Variants in GPC1 observed in about 807,000 individuals in gnomAD.
The protein encoded by GPC1 is glypican-1.
GPC1 carries 26 observed loss-of-function variants against 51.5 expected under a neutral mutation model. That is an observed-to-expected ratio of 0.50 (90% CI 0.37 to 0.70). The LOEUF is 0.70. Among genes scored for constraint, GPC1 ranks in the 30% least tolerant of loss-of-function variants. The probability of loss-of-function intolerance (pLI) is 0.00; values close to 1 mark genes in which losing one functional copy is unlikely to be tolerated. For synonymous variants in GPC1, 380 were observed against 348.3 expected (o/e 1.09, Z -1.01); for missense variants, 775 against 800.5 (o/e 0.97, Z 0.38).
intron 1 of GPC1, chr2:240,456,819 A>G (rs2074169028): frequency 3.0e-6 from 1 of 337,626 alleles, no homozygotes. Context: ...CTGCAGAGTG[A>G]AGGATGGTCC....
At chr2:240,461,282 C>G (rs1356341490) in intron 2 of GPC1, among the ~76,000 whole-genome samples, 2 of 152,198 alleles carry the variant, frequency 1.3e-5, no homozygotes. Flanking sequence ...ATCCAGAGAT[C>G]TCAGGCTTGA....
chr2:240,435,935 G>A lies in GPC1; in HGVS notation c.17G>A (p.Arg6Gln), dbSNP rs904975729. 3 of 1,268,860 alleles carry A rather than the reference G, an allele frequency of 2.4e-6. No individual in the cohort carries two copies. Among genetic ancestry groups the A allele is most frequent in the Non-Finnish European group, 3.0e-6 (3 of 1,007,604 alleles). 78.6% of individuals were successfully genotyped at this position (1,268,860 alleles called of 1,614,324 possible). Reference protein sequence around the residue: MELRARGWWLLCAAAA... With the variant: MELRAQGWWLLCAAAA... ...GGCCCCGCCATGGAGCTCCGGGCCCGAGGCTGGTGGCTGCTATGTGCGGCC... is the reference window on the plus strand; with the variant it reads ...GGCCCCGCCATGGAGCTCCGGGCCCAAGGCTGGTGGCTGCTATGTGCGGCC... Residue 6 changes from arginine (R) to glutamine (Q), a missense_variant, in exon 1 of 9, where the codon CGA (arginine) becomes CAA (glutamine). Physicochemically the swap from Arg to Gln is conservative, Grantham distance 43 (BLOSUM62 1). Coordinates refer to ENST00000264039, the MANE Select transcript of GPC1 (RefSeq NM_002081.3).
At chr2:240,446,635 C>T (rs2074052611) in intron 1 of GPC1, among the ~76,000 whole-genome samples, 1 of 152,218 alleles carries the variant, frequency 6.6e-6, no homozygotes, top group African/African-American at 2.4e-5. Context: ...CCATGGCCAT[C>T]TCTTGTCCTG....
At chr2:240,449,609 A>G (rs1210929455) in intron 1 of GPC1, 1 of 275,698 alleles carries the variant, frequency 3.6e-6, no homozygotes, top group Non-Finnish European at 7.2e-6. Flanking sequence ...AGTGGCGTTC[A>G]GTCCATTCAT....
intron 1 of GPC1, among the ~76,000 whole-genome samples, chr2:240,446,179 T>C (rs2074049210): frequency 6.6e-6 from 1 of 152,140 alleles, no homozygotes; most frequent in African/African-American, 2.4e-5. Context: ...TGGCCTAGGG[T>C]CCGAAACGGG....
At chr2:240,460,945 G>A (rs1342381131) in intron 2 of GPC1, among the ~76,000 whole-genome samples, 1 of 152,176 alleles carries the variant, frequency 6.6e-6, no homozygotes, top group Non-Finnish European at 1.5e-5. Context: ...AGCCTGGCTG[G>A]ACCTCTGGTT....
Position 240,466,573 on chromosome 2 carries a change from C to G in GPC1, c.*283C>G, listed in dbSNP as rs2074263473. The G allele has an allele frequency of 2.2e-6, 1 of 460,056 alleles. No individual in the cohort carries two copies. Among genetic ancestry groups the G allele is most frequent in the Non-Finnish European group, 3.9e-6 (1 of 258,416 alleles). 28.5% of individuals were successfully genotyped at this position (460,056 alleles called of 1,614,324 possible). On this transcript the variant is annotated 3_prime_UTR_variant, in exon 9 of 9. Transcript: ENST00000264039. Reference sequence around the variant, plus strand: ...GCACCTCCGGCTGCCTAGCCCTCCCCCCAGCTCCCTGCACCGCCGCAGAAG... The same window carrying G: ...GCACCTCCGGCTGCCTAGCCCTCCCGCCAGCTCCCTGCACCGCCGCAGAAG...
At chr2:240,436,873 T>TG (rs1025065519) in intron 1 of GPC1, among the ~76,000 whole-genome samples, 4 of 152,244 alleles carry the variant, frequency 2.6e-5, no homozygotes, top group African/African-American at 9.6e-5. Context: ...GCGGCCCTCT[T>TG]GGCGCCCCCT....
chr2:240,438,347 T>C (rs551385298), intron 1 of GPC1, among the ~76,000 whole-genome samples: 2 of 152,206 alleles, frequency 1.3e-5, no homozygotes, highest in Admixed American at 1.3e-4. Flanking sequence ...GGAAACAGGG[T>C]GACTCCCTCG....
chr2:240,456,215 G>A (rs2074161333), intron 1 of GPC1: 3 of 244,782 alleles, frequency 1.2e-5, no homozygotes, highest in Non-Finnish European at 2.4e-5. Context: ...TGACGGCGCC[G>A]AGGAGCCCCT....
At chr2:240,463,663 G>T in intron 4 of GPC1, 151 bp downstream of exon 4, 1 of 640,052 alleles carries the variant, frequency 1.6e-6, no homozygotes, top group Non-Finnish European at 2.7e-6. Flanking sequence ...TGGTGCTGCA[G>T]GGTTGAGGGG....
At chr2:240,445,068 G>A (rs1041001321) in intron 1 of GPC1, among the ~76,000 whole-genome samples, 13 of 152,278 alleles carry the variant, frequency 8.5e-5, no homozygotes, top group East Asian at 5.8e-4. Flanking sequence ...AGTCTCTCAC[G>A]TAATCCAGCC....
intron 1 of GPC1, among the ~76,000 whole-genome samples, chr2:240,446,918 G>A (rs372406977): frequency 2.0e-5 from 3 of 152,170 alleles, no homozygotes; most frequent in Admixed American, 6.5e-5. Context: ...GGAGCTGCAC[G>A]GCTGGCATCA....
chr2:240,438,567 C>T lies in GPC1; in HGVS notation c.166+2483C>T, dbSNP rs562256535. ...CAGGGGGACCTCCTCAGAGGGAATG[C>T]GAACCCCCTGGGGTTGGGCACCTCG... is the stretch of plus-strand genomic sequence containing the variant. On this transcript the variant is annotated intron_variant, in intron 1 of 8. Transcript: ENST00000264039. Among the ~76,000 whole-genome samples the T allele has an allele frequency of 1.7e-4, 26 of 152,182 alleles. No homozygotes were observed. In the East Asian group the frequency reaches 2.1e-3, roughly 12 times the overall value.
At chr2:240,458,267 A>G (rs566783333) in intron 1 of GPC1, 1 of 315,274 alleles carries the variant, frequency 3.2e-6, no homozygotes, top group Admixed American at 3.6e-5. Context: ...CTGAGAGCTG[A>G]CTCAAAGCCT....
At chr2:240,457,343 C>T (rs887122402) in intron 1 of GPC1, 9 of 442,538 alleles carry the variant, frequency 2.0e-5, no homozygotes, top group African/African-American at 1.8e-4. Context: ...GGCCAAGCGG[C>T]AGCCGCCCAA....
intron 4 of GPC1, chr2:240,463,815 C>T (rs67664213): frequency 0.28 from 121,417 of 426,792 alleles, 18,215 homozygotes; most frequent in Middle Eastern, 0.37. Context: ...TGTGACTCAT[C>T]GAGGACCGGC....
rs2074250204 is a variant in GPC1, at chr2:240,465,139, A to G, written c.1197A>G (p.Thr399=). 5 of 1,612,420 alleles carry G rather than the reference A, an allele frequency of 3.1e-6. No homozygotes were observed. The South Asian group carries it at 3.3e-5, about 11-fold the overall frequency. ...ACTTCTGGATCAGCCTCCCAGGGAC[A>G]CTGTGCAGTGAGAAGATGGCCCTGA... The part of the protein sequence containing the change: ...VQDFWISLPG[T]LCSEKMALST... The change falls in exon 7 of 9, where the codon ACA becomes ACG. Residue 399 remains threonine (T), a synonymous_variant. Coordinates refer to ENST00000264039, the MANE Select transcript of GPC1 (RefSeq NM_002081.3).
At chr2:240,462,763 A>T (rs1464932288) in intron 3 of GPC1, among the ~76,000 whole-genome samples, 181 bp downstream of exon 3, 1 of 152,150 alleles carries the variant, frequency 6.6e-6, no homozygotes, top group African/African-American at 2.4e-5. Flanking sequence ...CTAACAGCGT[A>T]CCCACAGATG....
Sources: gnomAD v4.1 joint callset for allele counts (sites outside exome capture counted in the v4.1 genomes callset) on GRCh38, gnomAD v4.1.1 for gene constraint, MANE v1.5 for transcripts, NCBI Gene and HGNC (gene_info 2026-07-23, HGNC 2026-07-21) for gene names.